CDC34: variants seen among roughly 807,000 people sequenced by gnomAD.
CDC34 encodes cell division cycle 34, ubiquitin conjugating enzyme.
In CDC34, 18 loss-of-function variants were observed where a neutral mutation model predicts 26.8. That is an observed-to-expected ratio of 0.67 (90% CI 0.47 to 1.00). CDC34 has a LOEUF of 1.00. CDC34 is among the 50% of genes least tolerant of loss of function. The pLI, the probability that CDC34 is intolerant of heterozygous loss-of-function variation, is 0.00. For synonymous variants in CDC34, 178 were observed against 147.5 expected (o/e 1.21, Z -1.50); for missense variants, 280 against 334.5 (o/e 0.84, Z 1.27).
Position 537,158 on chromosome 19 carries a change from G to A in CDC34, c.497+11G>A. The stretch of plus-strand genomic sequence containing the variant: ...CACAGACATCATCCGGTGAGGGCGG[G>A]CGGGGGCGTCACGGGAGGAGAGACT... On this transcript the variant is annotated intron_variant, in intron 4 of 4. Coordinates refer to ENST00000215574, the MANE Select transcript of CDC34 (RefSeq NM_004359.2). 6.2e-7 allele frequency: 1 copy of A among 1,612,394 alleles called. No homozygotes were observed. Among genetic ancestry groups the A allele is most frequent in the South Asian group, 1.1e-5 (1 of 91,054 alleles).
At chr19:538,535 A>AT (rs34635182) in intron 4 of CDC34, 119 of 168,692 alleles carry the variant, frequency 7.1e-4, no homozygotes, top group Non-Finnish European at 9.7e-4. Flanking sequence ...CTTCCTATCC[A>AT]TTTTTTTTTT....
chr19:536,866 G>A (rs1979778671), intron 3 of CDC34, 147 bp from the exon 4 acceptor site: 2 of 823,398 alleles, frequency 2.4e-6, no homozygotes, highest in Non-Finnish European at 3.9e-6. Flanking sequence ...GCTGTTCTGG[G>A]GGCCTGAGAC....
intron 4 of CDC34, among the ~76,000 whole-genome samples, chr19:538,127 C>T (rs1033245569): frequency 1.3e-5 from 2 of 151,866 alleles, no homozygotes; most frequent in African/African-American, 2.4e-5. Context: ...CAGTGACTGA[C>T]TGTTAGGGAA....
At chr19:539,052 C>A in intron 4 of CDC34, 2 of 964,972 alleles carry the variant, frequency 2.1e-6, no homozygotes, top group Non-Finnish European at 2.5e-6. Flanking sequence ...TGTGGGCCAA[C>A]ACACATGTGC....
intron 1 of CDC34, 152 bp from the exon 2 acceptor site, chr19:535,685 C>T: frequency 1.4e-6 from 1 of 710,244 alleles, no homozygotes; most frequent in South Asian, 1.6e-5. Context: ...GACCCCAGGC[C>T]TGTGAGAGTC....
At chr19:532,505 G>C (rs762849320) in intron 1 of CDC34, among the ~76,000 whole-genome samples, 1 of 152,200 alleles carries the variant, frequency 6.6e-6, no homozygotes, top group Non-Finnish European at 1.5e-5. Flanking sequence ...AAGAGGGAGC[G>C]GAGCCCAGGC....
chr19:537,244 AG>A, intron 4 of CDC34, 97 bp downstream of exon 4: 1 of 1,392,376 alleles, frequency 7.2e-7, no homozygotes, highest in Non-Finnish European at 9.9e-7. Context: ...CTTCCTGGTG[AG>A]GGTGGCGGAG....
chr19:537,074 G>A lies in CDC34; in HGVS notation c.424G>A (p.Val142Met). 6.2e-7 allele frequency: 1 copy of A among 1,613,908 alleles called. No homozygotes were observed. The highest frequency in any genetic ancestry group is 1.3e-5 in the African/African-American group (1 of 75,068). ...GCCCAACACCTTCTCGCCCGCAAAC[G>A]TGGACGCCTCCGTGATGTACAGGAA... ...NEPNTFSPAN[V>M]DASVMYRKWK... is the part of the protein sequence containing the mutation. Residue 142 changes from valine (V) to methionine (M), a missense_variant, in exon 4 of 5, where the codon GTG (valine) becomes ATG (methionine). By Grantham distance (21) the Val-to-Met change is conservative. Coordinates refer to ENST00000215574, the MANE Select transcript of CDC34 (RefSeq NM_004359.2).
At chr19:535,793 T>C in intron 1 of CDC34, 44 bp from the exon 2 acceptor site, 1 of 1,501,320 alleles carries the variant, frequency 6.7e-7, no homozygotes, top group South Asian at 1.1e-5. Context: ...GGGGCAGGTC[T>C]TGGGGCTGGG....
At chr19:539,028 C>T (rs1346348278) in intron 4 of CDC34, 6 of 983,700 alleles carry the variant, frequency 6.1e-6, no homozygotes, top group Non-Finnish European at 7.2e-6. Flanking sequence ...CTATTTTTAT[C>T]CCTCAAAACT....
rs768815065 is a variant in CDC34 at position 535,840 on chromosome 19, C to T, written c.181C>T (p.Arg61Cys). The T allele has an allele frequency of 2.0e-5, 33 of 1,613,288 alleles. No individual in the cohort carries two copies. The highest frequency in any genetic ancestry group is 2.6e-5 in the Non-Finnish European group (31 of 1,179,698). The change falls in exon 2 of 5, where the codon CGC becomes TGC. Residue 61 changes from arginine (R) to cysteine (C), a missense_variant. Transcript: ENST00000215574. ...CACCTGCCTTCTGCCCCTGCAGGCG[C>T]GCCTCAAGTTCCCCATCGACTACCC... ...TYYEGGYFKA[R>C]LKFPIDYPYS... is the part of the protein sequence containing the mutation.
chr19:541,854 G>A lies in CDC34; in HGVS notation c.*302G>A, dbSNP rs768075354. 6 of 229,322 alleles carry A rather than the reference G, an allele frequency of 2.6e-5. No individual in the cohort carries two copies. Among genetic ancestry groups the A allele is most frequent in the Admixed American group, 1.1e-4 (2 of 18,378 alleles). 14.2% of individuals were successfully genotyped at this position (229,322 alleles called of 1,614,324 possible). ...CTTCTACCGGGGTCCCCCAGCTTCC[G>A]GACTGGCCGCACCCCGGAGGAGCCA... is the stretch of plus-strand genomic sequence containing the variant. On this transcript the variant is annotated 3_prime_UTR_variant, in exon 5 of 5. Coordinates refer to ENST00000215574, the MANE Select transcript of CDC34 (RefSeq NM_004359.2).
chr19:541,576 G>A lies in CDC34; in HGVS notation c.*24G>A. 1 of 1,545,680 alleles carries A rather than the reference G, an allele frequency of 6.5e-7. No homozygotes were observed. Among genetic ancestry groups the A allele is most frequent in the South Asian group, 1.2e-5 (1 of 81,432 alleles). On this transcript the variant is annotated 3_prime_UTR_variant, in exon 5 of 5. Coordinates refer to ENST00000215574, the MANE Select transcript of CDC34 (RefSeq NM_004359.2). ...GACACCACCAGAATAAACTTGCCGA[G>A]TTTACCTCACTAGGGCCGGACCCGT... is the stretch of plus-strand genomic sequence containing the variant.
intron 1 of CDC34, among the ~76,000 whole-genome samples, chr19:534,457 C>T (rs1441777823): frequency 1.4e-5 from 2 of 141,690 alleles, no homozygotes; most frequent in African/African-American, 5.2e-5. Flanking sequence ...TCCAAGACCC[C>T]CTGAGTGCCC....
chr19:532,620 G>GAT (rs1979548911), intron 1 of CDC34, among the ~76,000 whole-genome samples: 1 of 152,244 alleles, frequency 6.6e-6, no homozygotes, highest in South Asian at 2.1e-4. Flanking sequence ...CGTGAGCGGG[G>GAT]GAGCGAGGCC....
At chr19:536,975 G>A in intron 3 of CDC34, 38 bp from the exon 4 acceptor site, 1 of 1,612,276 alleles carries the variant, frequency 6.2e-7, no homozygotes, top group Non-Finnish European at 8.5e-7. Context: ...AGGCTGGGGT[G>A]CCCCGGGCCG....
chr19:541,097 G>A (rs1199415771), intron 4 of CDC34: 2 of 492,320 alleles, frequency 4.1e-6, no homozygotes, highest in Admixed American at 3.8e-5. Flanking sequence ...GGGGCAGGCG[G>A]GTGTGACTGC....
At position 541,626 on chromosome 19, in the gene CDC34, C is replaced by T. The variant is rs1980023366; in HGVS notation, c.*74C>T. 1 of 1,460,086 alleles carries T rather than the reference C, an allele frequency of 6.8e-7. No individual in the cohort carries two copies. The highest frequency in any genetic ancestry group is 1.4e-5 in the African/African-American group (1 of 70,502). 90.4% of individuals were successfully genotyped at this position (1,460,086 alleles called of 1,614,324 possible). A position where few individuals can be genotyped will look rare whatever the true frequency, so the allele number is the denominator to read the frequency against. On this transcript the variant is annotated 3_prime_UTR_variant, in exon 5 of 5. Transcript: ENST00000215574. ...TGGCTCCTTAGACGACAGACTACCT[C>T]ACGGAGGTTTTGTGCTGGTCCCCGT...
rs747285861 is a variant in CDC34 at position 531,951 on chromosome 19, C to G, written c.20C>G (p.Pro7Arg). 6.8e-7 allele frequency: 1 copy of G among 1,466,096 alleles called. No individual in the cohort carries two copies. The highest frequency in any genetic ancestry group is 1.5e-5 in the African/African-American group (1 of 66,788). 90.8% of individuals were successfully genotyped at this position (1,466,096 alleles called of 1,614,324 possible). A position where few individuals can be genotyped will look rare whatever the true frequency, so the allele number is the denominator to read the frequency against. Residue 7 changes from proline (P) to arginine (R), a missense_variant, in exon 1 of 5, where the codon CCC becomes CGC. Transcript: ENST00000215574. MARPLV[P>R]SSQKALLLEL... ...GCCGCCATGGCTCGGCCGCTAGTGC[C>G]CAGCTCGCAGAAGGCGCTGCTGCTG... is the stretch of plus-strand genomic sequence containing the variant.
Sources: allele counts gnomAD v4.1 joint callset (sites outside exome capture counted in the v4.1 genomes callset), GRCh38; gene constraint gnomAD v4.1.1; transcripts MANE v1.5; gene names NCBI Gene and HGNC (gene_info 2026-07-23, HGNC 2026-07-21).